GALNTL6: variants seen among roughly 807,000 people sequenced by gnomAD.
GALNTL6 encodes the protein polypeptide N-acetylgalactosaminyltransferase like 6.
In GALNTL6, 46 loss-of-function variants were observed where a neutral mutation model predicts 73.7. The observed-to-expected ratio is 0.62, with a 90% CI of 0.49 to 0.80. GALNTL6 has a LOEUF of 0.80. GALNTL6 is among the 30% of genes least tolerant of loss of function. GALNTL6 has a pLI of 0.00. For synonymous variants in GALNTL6, 259 were observed against 263.7 expected, an observed-to-expected ratio of 0.98 and a Z score of 0.17; for missense variants, 604 against 755.0, an observed-to-expected ratio of 0.80 and a Z score of 2.34.
intron 2 of GALNTL6, among the ~76,000 whole-genome samples, chr4:172,149,356 T>C (rs1734008092): frequency 6.6e-6 from 1 of 152,224 alleles, no homozygotes; most frequent in East Asian, 1.9e-4. Context: ...TTGTATGCGC[T>C]GCTTTGACCT....
chr4:171,894,745 C>T (rs1299908960), intron 2 of GALNTL6, among the ~76,000 whole-genome samples: 2 of 152,114 alleles, frequency 1.3e-5, no homozygotes, highest in Non-Finnish European at 2.9e-5. Flanking sequence ...AAAATAGCTT[C>T]AAGTGCATTT....
intron 2 of GALNTL6, among the ~76,000 whole-genome samples, chr4:172,219,202 TATATATATA>T (rs1303531182): frequency 6.9e-5 from 3 of 43,168 alleles, no homozygotes; most frequent in Non-Finnish European, 1.9e-4. Context: ...AGCAAGTGTA[TATATATATA>T]TATATATATA....
intron 5 of GALNTL6, among the ~76,000 whole-genome samples, chr4:172,349,634 A>G (rs1330264768): frequency 2.0e-5 from 3 of 152,066 alleles, no homozygotes; most frequent in Admixed American, 6.6e-5. Context: ...GTCAGTTAAA[A>G]TACTGGTCTT....
At chr4:172,042,543 T>C (rs1742112283) in intron 2 of GALNTL6, among the ~76,000 whole-genome samples, 1 of 152,004 alleles carries the variant, frequency 6.6e-6, no homozygotes. Flanking sequence ...GCTGCTCCCT[T>C]TTCTGTGTTC....
intron 9 of GALNTL6, among the ~76,000 whole-genome samples, chr4:172,941,792 G>T (rs1248555014): frequency 6.6e-6 from 1 of 152,190 alleles, no homozygotes; most frequent in Non-Finnish European, 1.5e-5. Context: ...AAGACGAGTA[G>T]GGCTGGCCAT....
chr4:171,864,539 T>C (rs916605671), intron 2 of GALNTL6, among the ~76,000 whole-genome samples: 1 of 152,230 alleles, frequency 6.6e-6, no homozygotes, highest in Non-Finnish European at 1.5e-5. Flanking sequence ...CCACTGAATC[T>C]TTCCTGATAG....
intron 2 of GALNTL6, among the ~76,000 whole-genome samples, chr4:171,885,248 T>C (rs1222109647): frequency 6.6e-6 from 1 of 152,174 alleles, no homozygotes; most frequent in Non-Finnish European, 1.5e-5. Context: ...CTTTAGGTTC[T>C]TATTTTTTCT....
At position 172,523,434 on chromosome 4, in the gene GALNTL6, G is replaced by A. The variant is rs564357008; in HGVS notation, c.553+174745G>A. Reference sequence around the variant, plus strand: ...GGCTGGAGTGCAGTGGCTCGATCTCGGCTCATTGCAACCTCCACCTCCTGG... The same window carrying A: ...GGCTGGAGTGCAGTGGCTCGATCTCAGCTCATTGCAACCTCCACCTCCTGG... On this transcript the variant is annotated intron_variant, in intron 5 of 12. Transcript: ENST00000506823. Among the ~76,000 whole-genome samples the A allele has an allele frequency of 7.9e-5, 12 of 151,950 alleles. No homozygotes were observed. The South Asian group carries it at 1.0e-3, about 13-fold the overall frequency.
intron 2 of GALNTL6, among the ~76,000 whole-genome samples, chr4:171,861,321 C>T (rs1735825686): frequency 6.6e-6 from 1 of 152,172 alleles, no homozygotes; most frequent in Admixed American, 6.6e-5. Context: ...TCATTTACTA[C>T]AGGAAGGCCA....
At chr4:172,131,770 T>G (rs12506901) in intron 2 of GALNTL6, among the ~76,000 whole-genome samples, 67,266 of 151,200 alleles carry the variant, frequency 0.44, 15,614 homozygotes, top group African/African-American at 0.56. Flanking sequence ...ATTGTTTGAG[T>G]TTTTGATGCT....
chr4:171,910,415 T>C (rs115718125), intron 2 of GALNTL6, among the ~76,000 whole-genome samples: 3,321 of 152,136 alleles, frequency 0.022, 94 homozygotes, highest in African/African-American at 0.07. Context: ...CAATAACAAC[T>C]GTATAATATA....
rs751855516 is a variant in GALNTL6, at chr4:172,582,585, A to G, written c.554-226776A>G. On this transcript the variant is annotated intron_variant, in intron 5 of 12. Coordinates refer to ENST00000506823, the MANE Select transcript of GALNTL6 (RefSeq NM_001034845.3). Reference sequence around the variant, plus strand: ...ATAAAGATTAAAAGAGTTAATATGTATAATGCACTAAAAACATTGCCTGCT... The same window carrying G: ...ATAAAGATTAAAAGAGTTAATATGTGTAATGCACTAAAAACATTGCCTGCT... Among the ~76,000 whole-genome samples, 42 of 152,222 alleles carry G rather than the reference A, an allele frequency of 2.8e-4. 1 individual carries two copies. Among genetic ancestry groups the G allele is most frequent in the Non-Finnish European group, 7.3e-5 (5 of 68,036 alleles).
chr4:171,911,931 A>G (rs1737486683), intron 2 of GALNTL6, among the ~76,000 whole-genome samples: 1 of 152,186 alleles, frequency 6.6e-6, no homozygotes, highest in Non-Finnish European at 1.5e-5. Flanking sequence ...GTAATTGGAG[A>G]AAATGAATGT....
chr4:172,141,098 A>C (rs1419724906), intron 2 of GALNTL6, among the ~76,000 whole-genome samples: 1 of 152,046 alleles, frequency 6.6e-6, no homozygotes, highest in African/African-American at 2.4e-5. Flanking sequence ...AGGGAACCAA[A>C]GAAAAATAAT....
intron 2 of GALNTL6, among the ~76,000 whole-genome samples, chr4:171,889,457 T>G (rs772755921): frequency 1.3e-5 from 2 of 152,072 alleles, no homozygotes; most frequent in African/African-American, 4.8e-5. Flanking sequence ...GCAAAGAACC[T>G]GAAAGGTTTG....
chr4:172,081,492 G>A (rs553752895), intron 2 of GALNTL6, among the ~76,000 whole-genome samples: 1 of 152,256 alleles, frequency 6.6e-6, no homozygotes, highest in East Asian at 1.9e-4. Flanking sequence ...ACAAAAATTA[G>A]CTGGGCGTGG....
At position 172,690,764 on chromosome 4, in the gene GALNTL6, C is replaced by T. The variant is rs940260655; in HGVS notation, c.554-118597C>T. ...TCTCTCAACTAACCTGAAAATTTAA[C>T]TAACCAAACCATAGCATTCCCCAAA... On this transcript the variant is annotated intron_variant, in intron 5 of 12. Transcript: ENST00000506823. Among the ~76,000 whole-genome samples, 5 of 152,200 alleles carry T rather than the reference C, an allele frequency of 3.3e-5. No individual in the cohort carries two copies. In the South Asian group the frequency reaches 1.0e-3, roughly 31 times the overall value.
At chr4:172,613,719 T>C (rs1738616806) in intron 5 of GALNTL6, among the ~76,000 whole-genome samples, 1 of 152,174 alleles carries the variant, frequency 6.6e-6, no homozygotes, top group South Asian at 2.1e-4. Flanking sequence ...TTTGAATACT[T>C]AAACATTATG....
At chr4:172,952,380 T>C (rs1749496684) in intron 10 of GALNTL6, 122 bp downstream of exon 10, 1 of 648,064 alleles carries the variant, frequency 1.5e-6, no homozygotes, top group East Asian at 2.7e-5. Flanking sequence ...GTAGCATTCA[T>C]TTAAATCATC....
Sources: allele counts gnomAD v4.1 joint callset (sites outside exome capture counted in the v4.1 genomes callset), GRCh38; gene constraint gnomAD v4.1.1; transcripts MANE v1.5; gene names NCBI Gene and HGNC (gene_info 2026-07-23, HGNC 2026-07-21).